SEMA3A: variants seen among roughly 807,000 people sequenced by gnomAD.
SEMA3A encodes semaphorin-3A.
In SEMA3A, 29 loss-of-function variants were observed where a neutral mutation model predicts 97.9. That is an observed-to-expected ratio of 0.30 (90% CI 0.22 to 0.40). SEMA3A has a LOEUF of 0.40. Ranked by LOEUF, SEMA3A falls within the 10% of genes least tolerant of loss-of-function variation. The probability of loss-of-function intolerance (pLI) is 1.00; values close to 1 mark genes in which losing one functional copy is unlikely to be tolerated. For missense variants in SEMA3A, 763 were observed against 951.3 expected, an observed-to-expected ratio of 0.80 and a Z score of 2.60; for synonymous variants, 321 against 323.7, an observed-to-expected ratio of 0.99 and a Z score of 0.09.
At chr7:84,030,502 AG>A (rs542754423) in intron 6 of SEMA3A, among the ~76,000 whole-genome samples, 69 of 144,072 alleles carry the variant, frequency 4.8e-4, no homozygotes, top group African/African-American at 1.7e-3. Context: ...CACACCAAAA[AG>A]ATATAGTACA....
At chr7:84,072,397 G>GT (rs1405990152) in intron 4 of SEMA3A, among the ~76,000 whole-genome samples, 3 of 151,886 alleles carry the variant, frequency 2.0e-5, no homozygotes, top group African/African-American at 7.3e-5. Flanking sequence ...CATTCCAGTT[G>GT]TTTTTTTCCT....
At chr7:84,301,158 G>A (rs1395501437) in intron 3 of SEMA3A, among the ~76,000 whole-genome samples, 1 of 151,982 alleles carries the variant, frequency 6.6e-6, no homozygotes, top group African/African-American at 2.4e-5. Context: ...GAAAACATCA[G>A]AGAAAACTTT....
At chr7:84,246,767 G>A (rs1243698585) in intron 3 of SEMA3A, among the ~76,000 whole-genome samples, 1 of 151,710 alleles carries the variant, frequency 6.6e-6, no homozygotes, top group Non-Finnish European at 1.5e-5. Flanking sequence ...ACATGTACAA[G>A]GAACTATAAG....
intron 4 of SEMA3A, among the ~76,000 whole-genome samples, chr7:84,099,157 G>A (rs568517399): frequency 1.8e-5 from 1 of 54,070 alleles, no homozygotes; most frequent in African/African-American, 4.0e-5. Context: ...TGCAAGCTCC[G>A]CCTCCCGGGT....
intron 3 of SEMA3A, among the ~76,000 whole-genome samples, chr7:84,296,989 A>G (rs1800888985): frequency 6.6e-6 from 1 of 151,966 alleles, no homozygotes; most frequent in East Asian, 1.9e-4. Context: ...TTTTATTTTT[A>G]TTTTTGGGAT....
chr7:84,148,410 G>A (rs936554214), intron 1 of SEMA3A, among the ~76,000 whole-genome samples: 3 of 152,138 alleles, frequency 2.0e-5, no homozygotes, highest in Admixed American at 6.6e-5. Context: ...GAGCAATGAT[G>A]TTGAAAACTA....
chr7:84,369,955 A>C, intron 2 of SEMA3A, among the ~76,000 whole-genome samples: 1 of 151,250 alleles, frequency 6.6e-6, no homozygotes, highest in East Asian at 1.9e-4. Context: ...AGGACATATA[A>C]GCTTTTGTCA....
At chr7:84,402,434 G>A (rs953537835) in intron 1 of SEMA3A, among the ~76,000 whole-genome samples, 1 of 151,912 alleles carries the variant, frequency 6.6e-6, no homozygotes, top group African/African-American at 2.4e-5. Context: ...AAAATAATAT[G>A]GACATTCCTC....
chr7:84,004,059 A>ATT (rs11415239), intron 11 of SEMA3A, among the ~76,000 whole-genome samples: 6 of 151,604 alleles, frequency 4.0e-5, no homozygotes, highest in Admixed American at 3.9e-4. Context: ...AGTTAATGCA[A>ATT]TTTTTTTTCT....
At chr7:83,991,818 A>G (rs1484946553) in intron 12 of SEMA3A, among the ~76,000 whole-genome samples, 16 of 138,068 alleles carry the variant, frequency 1.2e-4, no homozygotes, top group South Asian at 5.1e-4. Flanking sequence ...TTGGTATCAG[A>G]ATGATGCTGG....
Position 83,964,227 on chromosome 7 carries a change from CCTT to C in SEMA3A, c.1718-883_1718-881del, listed in dbSNP as rs201153537. On this transcript the variant is annotated intron_variant, in intron 15 of 16. Coordinates refer to ENST00000265362, the MANE Select transcript of SEMA3A (RefSeq NM_006080.3). ...TAAAACTCATTTAGAGAACAAAACTCCTTCTTATCTTGCATAATCCTGTTTCCA... is the reference window on the plus strand; with the variant it reads ...TAAAACTCATTTAGAGAACAAAACTCCTTATCTTGCATAATCCTGTTTCCA... Among the ~76,000 whole-genome samples the C allele has an allele frequency of 8.4e-4, 128 of 152,196 alleles. 2 individuals carry two copies. In the East Asian group the frequency reaches 0.022, roughly 26 times the overall value.
rs1270268460 is a variant in SEMA3A at position 83,969,355 on chromosome 7, C to A, written c.1718-6008G>T. ...AAGAAATATTTCCTCTTCTATATTG[C>A]CAAAAAAAATCTCTTTTTAGTTATC... On this transcript the variant is annotated intron_variant, in intron 15 of 16. Coordinates refer to ENST00000265362, the MANE Select transcript of SEMA3A (RefSeq NM_006080.3). Among the ~76,000 whole-genome samples the A allele has an allele frequency of 2.5e-5, 3 of 122,058 alleles. No individual in the cohort carries two copies. The East Asian group carries it at 5.8e-4, about 24-fold the overall frequency. The allele number at this position is 122,058 out of a possible 152,430, so 80.1% of individuals were successfully genotyped here. A position where few individuals can be genotyped will look rare whatever the true frequency, so the allele number is the denominator to read the frequency against.
intron 1 of SEMA3A, among the ~76,000 whole-genome samples, chr7:84,145,177 C>T (rs1584033568): frequency 6.6e-6 from 1 of 152,106 alleles, no homozygotes; most frequent in Non-Finnish European, 1.5e-5. Flanking sequence ...CCAAGTCAGC[C>T]TTCTCCTGTG....
At chr7:84,113,038 CCTGGGGGCAAG>C (rs1163458599) in intron 3 of SEMA3A, among the ~76,000 whole-genome samples, 2 of 152,194 alleles carry the variant, frequency 1.3e-5, no homozygotes. Flanking sequence ...GTTACCATGC[CCTGGGGGCAAG>C]CTCAATATTA....
chr7:84,052,848 T>G (rs190445810), intron 5 of SEMA3A, among the ~76,000 whole-genome samples: 2 of 151,536 alleles, frequency 1.3e-5, no homozygotes, highest in East Asian at 1.9e-4. Context: ...TTGTGGGCAT[T>G]TAGTGCTATA....
At chr7:84,317,178 T>C (rs1444160025) in intron 2 of SEMA3A, among the ~76,000 whole-genome samples, 1 of 152,198 alleles carries the variant, frequency 6.6e-6, no homozygotes, top group Non-Finnish European at 1.5e-5. Context: ...ATACAGATTC[T>C]TTCCTTGGAA....
At chr7:84,464,903 C>CTAA (rs1213722637) in intron 1 of SEMA3A, among the ~76,000 whole-genome samples, 2 of 151,926 alleles carry the variant, frequency 1.3e-5, no homozygotes, top group Non-Finnish European at 2.9e-5. Flanking sequence ...AAGAAAGATA[C>CTAA]GTTTAAAGTA....
intron 1 of SEMA3A, among the ~76,000 whole-genome samples, chr7:84,142,581 G>T (rs553756231): frequency 1.3e-5 from 2 of 152,284 alleles, no homozygotes; most frequent in East Asian, 3.9e-4. Flanking sequence ...AAAATACTAA[G>T]AACTGATTTT....
chr7:84,488,317 TACACACACACACAC>T (rs67659986), intron 1 of SEMA3A, among the ~76,000 whole-genome samples: 14 of 145,768 alleles, frequency 9.6e-5, no homozygotes, highest in Admixed American at 2.8e-4. Context: ...TCTTCGTATA[TACACACACACACAC>T]ACACACACAC....
Sources: gnomAD v4.1 joint callset for allele counts (sites outside exome capture counted in the v4.1 genomes callset) on GRCh38, gnomAD v4.1.1 for gene constraint, MANE v1.5 for transcripts, NCBI Gene and HGNC (gene_info 2026-07-23, HGNC 2026-07-21) for gene names.